The following CCDC85A variants were observed in gnomAD, a reference collection of about 807,000 sequenced individuals.
CCDC85A encodes the protein coiled-coil domain containing 85A, also known as coiled-coil domain-containing protein 85A.
A neutral mutation model predicts 50.2 loss-of-function variants in CCDC85A; 38 were observed. The observed-to-expected ratio is 0.76, with a 90% CI of 0.58 to 0.99. The LOEUF is 0.99. CCDC85A is among the 50% of genes least tolerant of loss of function. The probability of loss-of-function intolerance (pLI) is 0.00; values close to 1 mark genes in which losing one functional copy is unlikely to be tolerated. For missense variants in CCDC85A, 820 were observed against 742.0 expected, an observed-to-expected ratio of 1.11 and a Z score of -1.22; for synonymous variants, 366 against 301.4, an observed-to-expected ratio of 1.21 and a Z score of -2.22.
intron 2 of CCDC85A, among the ~76,000 whole-genome samples, chr2:56,238,837 G>A (rs1389751605): frequency 1.3e-5 from 2 of 152,076 alleles, no homozygotes; most frequent in Non-Finnish European, 2.9e-5. Flanking sequence ...TTTTTACAGA[G>A]CATTGAGCCA....
chr2:56,286,300 A>G (rs1013539238), intron 2 of CCDC85A, among the ~76,000 whole-genome samples: 3 of 152,124 alleles, frequency 2.0e-5, no homozygotes, highest in Non-Finnish European at 2.9e-5. Context: ...ATTTCTTCAA[A>G]TATTTTTCTG....
intron 3 of CCDC85A, among the ~76,000 whole-genome samples, chr2:56,355,287 G>T (rs908246252): frequency 1.3e-5 from 2 of 152,206 alleles, no homozygotes; most frequent in African/African-American, 2.4e-5. Flanking sequence ...AGGGTCTACT[G>T]TTAAGGCCAG....
At chr2:56,328,764 C>G (rs1301616668) in intron 2 of CCDC85A, among the ~76,000 whole-genome samples, 4 of 152,074 alleles carry the variant, frequency 2.6e-5, no homozygotes, top group Admixed American at 2.6e-4. Context: ...GTTTTGTTGG[C>G]TGTACCTCCT....
At chr2:56,306,306 T>C (rs540140928) in intron 2 of CCDC85A, among the ~76,000 whole-genome samples, 1 of 152,206 alleles carries the variant, frequency 6.6e-6, no homozygotes, top group East Asian at 1.9e-4. Context: ...ATTTTTGTAT[T>C]TTTAAGAGAC....
chr2:56,204,865 T>C (rs1449192363), intron 2 of CCDC85A, among the ~76,000 whole-genome samples: 1 of 152,164 alleles, frequency 6.6e-6, no homozygotes, highest in Non-Finnish European at 1.5e-5. Flanking sequence ...AACCACATCC[T>C]CTTTGAAGCA....
At chr2:56,322,268 G>T (rs764910939) in intron 2 of CCDC85A, among the ~76,000 whole-genome samples, 2 of 152,166 alleles carry the variant, frequency 1.3e-5, no homozygotes, top group African/African-American at 4.8e-5. Flanking sequence ...AAAAGCAATG[G>T]CAGCAAAAGC....
chr2:56,286,011 C>T (rs1026699180), intron 2 of CCDC85A, among the ~76,000 whole-genome samples: 7 of 151,938 alleles, frequency 4.6e-5, no homozygotes, highest in South Asian at 2.1e-4. Context: ...CAGTCCCCCC[C>T]ACCCCGACCC....
chr2:56,272,814 A>C (rs1281022101), intron 2 of CCDC85A, among the ~76,000 whole-genome samples: 2 of 152,224 alleles, frequency 1.3e-5, no homozygotes, highest in Non-Finnish European at 2.9e-5. Context: ...CAACTTGCTC[A>C]GCCTATTCCA....
In CCDC85A at chr2:56,184,263, G is replaced by C. The variant is rs75829550; in HGVS notation, c.-362G>C. 1 of 909,300 alleles carries C rather than the reference G, an allele frequency of 1.1e-6. No homozygotes were observed. The highest frequency in any genetic ancestry group is 5.2e-5 in the South Asian group (1 of 19,370). The allele number at this position is 909,300 out of a possible 1,614,324, so 56.3% of individuals were successfully genotyped here. On this transcript the variant is annotated 5_prime_UTR_variant, in exon 1 of 6. Transcript: ENST00000407595. ...TGCGGGGGGCGACAGTCTCGGCTTA[G>C]GGCGGAGGAGAGGGCAGGGGAACGG... is the stretch of plus-strand genomic sequence containing the variant.
chr2:56,262,029 T>C (rs780313148), intron 2 of CCDC85A, among the ~76,000 whole-genome samples: 3 of 152,160 alleles, frequency 2.0e-5, no homozygotes, highest in African/African-American at 4.8e-5. Flanking sequence ...GTAGTGAACA[T>C]CTGCCATAGG....
intron 2 of CCDC85A, among the ~76,000 whole-genome samples, chr2:56,341,381 T>A (rs1291064843): frequency 6.6e-6 from 1 of 152,122 alleles, no homozygotes; most frequent in African/African-American, 2.4e-5. Flanking sequence ...CCGTGATGGT[T>A]GCCTGACATT....
chr2:56,297,940 C>A lies in CCDC85A; in HGVS notation c.1241-44939C>A, dbSNP rs193056410. The stretch of plus-strand genomic sequence containing the variant: ...CTTCCAACCAGTTCCATGTTTGAGA[C>A]ACCATGATCTGCCATCAACAACATA... On this transcript the variant is annotated intron_variant, in intron 2 of 5. Coordinates refer to ENST00000407595, the MANE Select transcript of CCDC85A (RefSeq NM_001080433.2). Among the ~76,000 whole-genome samples, 7 of 152,246 alleles carry A rather than the reference C, an allele frequency of 4.6e-5. No homozygotes were observed. In the East Asian group the frequency reaches 9.6e-4, roughly 21 times the overall value.
chr2:56,290,039 C>G (rs1021627064), intron 2 of CCDC85A, among the ~76,000 whole-genome samples: 1 of 152,118 alleles, frequency 6.6e-6, no homozygotes, highest in Non-Finnish European at 1.5e-5. Flanking sequence ...CTGCTATTGT[C>G]TGGTTCTGAG....
intron 3 of CCDC85A, among the ~76,000 whole-genome samples, chr2:56,360,833 G>A (rs1479692576): frequency 6.6e-6 from 1 of 152,216 alleles, no homozygotes; most frequent in Non-Finnish European, 1.5e-5. Flanking sequence ...CAGAAGCAGT[G>A]ACCTCACTAT....
At chr2:56,367,342 A>T (rs1335007846) in intron 3 of CCDC85A, among the ~76,000 whole-genome samples, 1 of 152,090 alleles carries the variant, frequency 6.6e-6, no homozygotes, top group African/African-American at 2.4e-5. Flanking sequence ...CTGCCTTTAT[A>T]CTTAGACCAT....
chr2:56,277,070 T>G (rs541222177), intron 2 of CCDC85A, among the ~76,000 whole-genome samples: 2 of 152,314 alleles, frequency 1.3e-5, no homozygotes, highest in Admixed American at 6.5e-5. Context: ...CGCAGAGTCC[T>G]CTCTTTCTGA....
intron 2 of CCDC85A, among the ~76,000 whole-genome samples, chr2:56,273,479 A>G (rs1305644565): frequency 2.0e-5 from 3 of 152,090 alleles, no homozygotes; most frequent in Admixed American, 6.6e-5. Flanking sequence ...ACAAAGGGAC[A>G]ATGCCTTTAA....
In CCDC85A at chr2:56,372,386, A is replaced by G; in HGVS notation, c.1360A>G (p.Asn454Asp). 1 of 1,597,794 alleles carries G rather than the reference A, an allele frequency of 6.3e-7. No homozygotes were observed. The highest frequency in any genetic ancestry group is 1.1e-5 in the South Asian group (1 of 88,104). The change falls in exon 4 of 6, where the codon AAT becomes GAT. Residue 454 changes from asparagine (N) to aspartate (D), a missense_variant. By Grantham distance (23) the Asn-to-Asp change is conservative. Transcript: ENST00000407595. ...RRQPPTRNSS[N>D]MEKGWGSRAR... ...GCAACCTCCAACTAGAAACAGCTCA[A>G]ATATGGAGAAAGGCTGGGGGTCCAG...
chr2:56,331,161 G>T (rs577180971), intron 2 of CCDC85A, among the ~76,000 whole-genome samples: 6 of 152,290 alleles, frequency 3.9e-5, no homozygotes, highest in African/African-American at 1.4e-4. Context: ...CCACTTAGAA[G>T]TGGGAGCTAA....
Sources: allele counts gnomAD v4.1 joint callset (sites outside exome capture counted in the v4.1 genomes callset), GRCh38; gene constraint gnomAD v4.1.1; transcripts MANE v1.5; gene names NCBI Gene and HGNC (gene_info 2026-07-23, HGNC 2026-07-21).